The following SEMA3A variants were observed in gnomAD, a reference collection of about 807,000 sequenced individuals.
SEMA3A encodes the protein semaphorin-3A.
Under a neutral mutation model 97.9 loss-of-function variants are expected in SEMA3A, and 29 were observed. The observed-to-expected ratio is 0.30, with a 90% CI of 0.22 to 0.40. The LOEUF (loss-of-function observed/expected upper bound fraction) is 0.40, where lower values mean the gene tolerates loss of function less well. SEMA3A is among the 10% of genes least tolerant of loss of function. SEMA3A has a pLI of 1.00. For synonymous variants in SEMA3A, 321 were observed against 323.7 expected (o/e 0.99, Z 0.09); for missense variants, 763 against 951.3 (o/e 0.80, Z 2.60).
chr7:84,065,152 C>T (rs1311521104), intron 4 of SEMA3A, among the ~76,000 whole-genome samples: 4 of 138,410 alleles, frequency 2.9e-5, no homozygotes, highest in Admixed American at 2.2e-4. Flanking sequence ...AACTGAACAA[C>T]CTGCTCCTGA....
intron 4 of SEMA3A, among the ~76,000 whole-genome samples, chr7:84,065,556 A>C (rs1272096424): frequency 1.4e-5 from 2 of 147,564 alleles, no homozygotes; most frequent in Non-Finnish European, 3.0e-5. Flanking sequence ...GAGAAGAATC[A>C]AATAGACGCA....
At position 84,173,028 on chromosome 7, in the gene SEMA3A, T is replaced by G. The variant is rs536403335; in HGVS notation, c.112+21447A>C. On this transcript the variant is annotated intron_variant, in intron 1 of 16. Coordinates refer to ENST00000265362, the MANE Select transcript of SEMA3A (RefSeq NM_006080.3). Reference sequence around the variant, plus strand: ...TTATCTTGTGTTCCTGTCCACAAGGTAAAGGGTAAGTTTTTGTTTCTGCCA... The same window carrying G: ...TTATCTTGTGTTCCTGTCCACAAGGGAAAGGGTAAGTTTTTGTTTCTGCCA... Among the ~76,000 whole-genome samples, 5 of 152,202 alleles carry G rather than the reference T, an allele frequency of 3.3e-5. No individual in the cohort carries two copies. The South Asian group carries it at 1.0e-3, about 32-fold the overall frequency.
chr7:84,340,759 A>G (rs928263443), intron 2 of SEMA3A, among the ~76,000 whole-genome samples: 1 of 145,888 alleles, frequency 6.9e-6, no homozygotes, highest in African/African-American at 2.5e-5. Flanking sequence ...CAGCCTGGGC[A>G]ATAAGAGCGA....
rs28971688 is a variant in SEMA3A at position 84,424,747 on chromosome 7, C to A, written c.-245-52847G>T. 2.7e-3 allele frequency among the ~76,000 whole-genome samples: 245 copies of A among 90,868 alleles called. 1 individual carries two copies. Among genetic ancestry groups the A allele is most frequent in the Non-Finnish European group, 3.8e-3 (202 of 52,510 alleles). 59.6% of individuals were successfully genotyped at this position (90,868 alleles called of 152,430 possible). On this transcript the variant is annotated intron_variant, in intron 1 of 3. Transcript: ENST00000424555. ...ATTTATATATTATATATTTAGATAT[C>A]AATATATTACATATTTAGATATAAA...
chr7:84,383,587 G>T (rs2706905), intron 1 of SEMA3A, among the ~76,000 whole-genome samples: 17,202 of 152,028 alleles, frequency 0.11, 1,765 homozygotes, highest in East Asian at 0.35. Context: ...ACCTGAGAAG[G>T]CATCTAATTA....
chr7:84,477,090 A>ATTTT (rs1448218394), intron 1 of SEMA3A, among the ~76,000 whole-genome samples: 62 of 147,936 alleles, frequency 4.2e-4, no homozygotes, highest in African/African-American at 1.5e-3. Flanking sequence ...ATATATATAT[A>ATTTT]TATTTTTCAA....
intron 15 of SEMA3A, among the ~76,000 whole-genome samples, chr7:83,964,176 C>A (rs1006236833): frequency 6.6e-6 from 1 of 152,070 alleles, no homozygotes; most frequent in African/African-American, 2.4e-5. Context: ...CAGCTCAGAT[C>A]AAAAGTACAA....
chr7:83,999,101 A>ATGTT (rs1283688650), intron 12 of SEMA3A, among the ~76,000 whole-genome samples: 5 of 152,308 alleles, frequency 3.3e-5, no homozygotes, highest in African/African-American at 1.2e-4. Context: ...AGTATTGAAA[A>ATGTT]TGTTAGGCAA....
chr7:84,316,556 A>G (rs1484433146), intron 2 of SEMA3A, among the ~76,000 whole-genome samples: 4 of 152,130 alleles, frequency 2.6e-5, no homozygotes, highest in East Asian at 1.9e-4. Flanking sequence ...AAGAGGTGCT[A>G]TAAGTCTATA....
chr7:83,995,051 A>C (rs1790152431), intron 12 of SEMA3A, among the ~76,000 whole-genome samples: 1 of 152,136 alleles, frequency 6.6e-6, no homozygotes, highest in South Asian at 2.1e-4. Context: ...GGAAAAGTGC[A>C]GTATTCAGGT....
intron 6 of SEMA3A, among the ~76,000 whole-genome samples, chr7:84,014,674 ATTAC>A (rs1791023591): frequency 6.6e-6 from 1 of 152,210 alleles, no homozygotes; most frequent in African/African-American, 2.4e-5. Flanking sequence ...ACTATCAAAT[ATTAC>A]TTATTGCTGT....
intron 6 of SEMA3A, among the ~76,000 whole-genome samples, chr7:84,024,557 GC>G (rs773906047): frequency 1.3e-5 from 2 of 151,450 alleles, no homozygotes; most frequent in African/African-American, 2.4e-5. Context: ...CACACCCAAT[GC>G]CCCCCCACAA....
At chr7:84,269,548 A>G (rs562703416) in intron 3 of SEMA3A, among the ~76,000 whole-genome samples, 5 of 152,278 alleles carry the variant, frequency 3.3e-5, no homozygotes, top group African/African-American at 9.6e-5. Flanking sequence ...GGGGAATTGT[A>G]TAAGATAAAA....
At chr7:84,231,988 G>T (rs544738730) in intron 3 of SEMA3A, among the ~76,000 whole-genome samples, 2 of 151,428 alleles carry the variant, frequency 1.3e-5, no homozygotes, top group East Asian at 2.0e-4. Flanking sequence ...AAAAACAAAG[G>T]TATGTGTATG....
At chr7:84,126,909 T>C (rs1019838328) in intron 3 of SEMA3A, among the ~76,000 whole-genome samples, 3 of 152,194 alleles carry the variant, frequency 2.0e-5, no homozygotes, top group Non-Finnish European at 2.9e-5. Context: ...CACAAAATTC[T>C]CAACCTCTCT....
intron 1 of SEMA3A, among the ~76,000 whole-genome samples, chr7:84,401,330 T>C (rs1484727980): frequency 1.3e-5 from 2 of 151,996 alleles, no homozygotes; most frequent in South Asian, 2.1e-4. Flanking sequence ...GTGAAAATGA[T>C]AAAATGCTAA....
At chr7:84,027,474 GT>G (rs1791590085) in intron 6 of SEMA3A, among the ~76,000 whole-genome samples, 1 of 152,102 alleles carries the variant, frequency 6.6e-6, no homozygotes, top group Non-Finnish European at 1.5e-5. Flanking sequence ...ACCAGCACTA[GT>G]TTATTCTTTA....
chr7:84,004,956 C>CT (rs1320688764), intron 11 of SEMA3A, among the ~76,000 whole-genome samples: 3 of 152,136 alleles, frequency 2.0e-5, no homozygotes, highest in African/African-American at 7.2e-5. Context: ...AATGTCAACT[C>CT]TTACTCTTCC....
chr7:84,036,756 A>G (rs545689133), intron 6 of SEMA3A, among the ~76,000 whole-genome samples: 1 of 152,256 alleles, frequency 6.6e-6, no homozygotes, highest in South Asian at 2.1e-4. Flanking sequence ...ATATTATATT[A>G]CATAGTATCT....
Sources: allele counts gnomAD v4.1 joint callset (sites outside exome capture counted in the v4.1 genomes callset), GRCh38; gene constraint gnomAD v4.1.1; transcripts MANE v1.5; gene names NCBI Gene and HGNC (gene_info 2026-07-23, HGNC 2026-07-21).